Variants in PTPRG observed in about 807,000 individuals in gnomAD.
PTPRG encodes the protein protein tyrosine phosphatase receptor type G, also known as receptor-type tyrosine-protein phosphatase gamma.
Under a neutral mutation model 165.3 loss-of-function variants are expected in PTPRG, and 102 were observed. The observed-to-expected ratio is 0.62, with a 90% CI of 0.53 to 0.73. PTPRG has a LOEUF of 0.73. Among genes scored for constraint, PTPRG ranks in the 30% least tolerant of loss-of-function variants. The pLI is 0.00. For synonymous variants in PTPRG, 675 were observed against 669.5 expected, an observed-to-expected ratio of 1.01 and a Z score of -0.13; for missense variants, 1,866 against 1,861.4, an observed-to-expected ratio of 1.00 and a Z score of -0.05.
chr3:61,697,663 C>T (rs1381145796), intron 1 of PTPRG, among the ~76,000 whole-genome samples: 1 of 152,162 alleles, frequency 6.6e-6, no homozygotes, highest in Non-Finnish European at 1.5e-5. Context: ...ATTCAGTTTC[C>T]AAAGAATCAC....
chr3:62,085,874 C>A (rs1276671262), intron 5 of PTPRG, among the ~76,000 whole-genome samples: 1 of 152,154 alleles, frequency 6.6e-6, no homozygotes, highest in Non-Finnish European at 1.5e-5. Context: ...GAATTGTGTC[C>A]TGCCCTCAAA....
At chr3:62,223,671 C>T (rs1190919605) in intron 13 of PTPRG, among the ~76,000 whole-genome samples, 3 of 152,164 alleles carry the variant, frequency 2.0e-5, no homozygotes, top group Non-Finnish European at 4.4e-5. Context: ...AATGCTTGTC[C>T]TGGTGCCTGG....
chr3:62,076,709 G>C (rs967257538), intron 4 of PTPRG, among the ~76,000 whole-genome samples: 9 of 151,854 alleles, frequency 5.9e-5, no homozygotes, highest in African/African-American at 2.2e-4. Context: ...AGCCTCCCGA[G>C]TAGCTGGGAT....
intron 13 of PTPRG, 60 bp from the exon 14 acceptor site, chr3:62,231,165 G>T: frequency 7.7e-7 from 1 of 1,298,976 alleles, no homozygotes; most frequent in South Asian, 2.1e-5. Context: ...TGCAACTCTT[G>T]GTGGCCAATT....
intron 5 of PTPRG, among the ~76,000 whole-genome samples, chr3:62,097,224 C>T (rs929392795): frequency 3.9e-5 from 6 of 152,158 alleles, no homozygotes; most frequent in East Asian, 1.9e-4. Flanking sequence ...TGGTAAAGGA[C>T]GCCCTTTTCA....
chr3:61,765,613 C>A (rs1247501753), intron 2 of PTPRG, among the ~76,000 whole-genome samples: 1 of 152,068 alleles, frequency 6.6e-6, no homozygotes, highest in East Asian at 1.9e-4. Flanking sequence ...CTTAAATGAT[C>A]ACTTTTCACT....
chr3:61,982,828 G>T (rs1424235331), intron 2 of PTPRG, among the ~76,000 whole-genome samples: 1 of 152,098 alleles, frequency 6.6e-6, no homozygotes, highest in African/African-American at 2.4e-5. Context: ...TAGACACCCT[G>T]GGAAATTAGA....
chr3:61,735,223 A>T (rs1417604828), intron 1 of PTPRG, among the ~76,000 whole-genome samples: 1 of 152,204 alleles, frequency 6.6e-6, no homozygotes, highest in Non-Finnish European at 1.5e-5. Flanking sequence ...ATGTGGTTAG[A>T]ATTTTTTTAA....
At chr3:61,758,234 G>T (rs78089916) in intron 2 of PTPRG, among the ~76,000 whole-genome samples, 1 of 151,990 alleles carries the variant, frequency 6.6e-6, no homozygotes, top group Non-Finnish European at 1.5e-5. Flanking sequence ...CAGTATTCCC[G>T]ATTTAGCCTC....
intron 1 of PTPRG, among the ~76,000 whole-genome samples, chr3:61,675,581 T>A (rs1028114312): frequency 2.6e-5 from 4 of 152,192 alleles, no homozygotes; most frequent in African/African-American, 9.7e-5. Flanking sequence ...TTTGGCTATC[T>A]TTTAATAACA....
intron 6 of PTPRG, among the ~76,000 whole-genome samples, chr3:62,137,732 C>G (rs963474883): frequency 6.6e-6 from 1 of 152,108 alleles, no homozygotes; most frequent in Non-Finnish European, 1.5e-5. Flanking sequence ...AGCTGGTCAT[C>G]ACTCGTTGTC....
chr3:61,576,094 A>G (rs1700168209), intron 1 of PTPRG, among the ~76,000 whole-genome samples: 1 of 152,202 alleles, frequency 6.6e-6, no homozygotes, highest in Non-Finnish European at 1.5e-5. Flanking sequence ...CAGAACCAGA[A>G]TCTGAACTGG....
intron 5 of PTPRG, among the ~76,000 whole-genome samples, chr3:62,081,273 C>CA (rs1701568832): frequency 9.9e-6 from 1 of 101,438 alleles, no homozygotes; most frequent in African/African-American, 3.5e-5. Context: ...AACAAACAAA[C>CA]AAACAAACAA....
intron 5 of PTPRG, among the ~76,000 whole-genome samples, chr3:62,080,363 A>C (rs993149315): frequency 6.6e-6 from 1 of 151,984 alleles, no homozygotes; most frequent in Non-Finnish European, 1.5e-5. Context: ...GGTGTGAGCC[A>C]CTGCGCCCAG....
Position 61,906,811 on chromosome 3 carries a change from G to A in PTPRG, c.191-82814G>A, listed in dbSNP as rs1007407059. 2.2e-5 allele frequency among the ~76,000 whole-genome samples: 3 copies of A among 134,964 alleles called. No individual in the cohort carries two copies. The East Asian group carries it at 6.0e-4, about 27-fold the overall frequency. 88.5% of individuals were successfully genotyped at this position (134,964 alleles called of 152,430 possible). On this transcript the variant is annotated intron_variant, in intron 2 of 29. Coordinates refer to ENST00000474889, the MANE Select transcript of PTPRG (RefSeq NM_002841.4). ...GGTAGGTAGGTAGGTAGGTAGGTAG[G>A]TAGGTAGGTAGGTAGGTAGAATTGT... is the stretch of plus-strand genomic sequence containing the variant.
At chr3:61,812,341 ATATT>A (rs1339431923) in intron 2 of PTPRG, among the ~76,000 whole-genome samples, 2 of 152,152 alleles carry the variant, frequency 1.3e-5, no homozygotes, top group South Asian at 2.1e-4. Context: ...CATTCAGCAA[ATATT>A]TATTTTCCAC....
Position 62,273,642 on chromosome 3 carries a change from A to G in PTPRG, c.3319-56A>G, listed in dbSNP as rs995744167. On this transcript the variant is annotated intron_variant, in intron 22 of 29. Coordinates refer to ENST00000474889, the MANE Select transcript of PTPRG (RefSeq NM_002841.4). This position sits in a 1 kb window ranked among gnomAD's most constrained non-coding sequence, Gnocchi z 4.1. ...AATTAAACTAAGGTACACTTCATGAATGAGTGGCTAACCCTTAACACTCCC... is the reference window on the plus strand; with the variant it reads ...AATTAAACTAAGGTACACTTCATGAGTGAGTGGCTAACCCTTAACACTCCC... 2.8e-5 allele frequency: 43 copies of G among 1,557,656 alleles called. No individual in the cohort carries two copies. Among genetic ancestry groups the G allele is most frequent in the Non-Finnish European group, 3.5e-5 (40 of 1,131,512 alleles).
At chr3:62,227,906 T>C (rs1700797160) in intron 13 of PTPRG, among the ~76,000 whole-genome samples, 1 of 152,228 alleles carries the variant, frequency 6.6e-6, no homozygotes, top group Admixed American at 6.5e-5. Flanking sequence ...CCCAGTTATC[T>C]GGCTTCTTCT....
At chr3:62,266,194 T>C (rs1326689761) in intron 17 of PTPRG, among the ~76,000 whole-genome samples, 1 of 152,168 alleles carries the variant, frequency 6.6e-6, no homozygotes, top group Non-Finnish European at 1.5e-5. Flanking sequence ...TTTGGTGTTC[T>C]CTTGGCCACT....
Sources: gnomAD v4.1 joint callset for allele counts (sites outside exome capture counted in the v4.1 genomes callset) on GRCh38, gnomAD v4.1.1 for gene constraint, Gnocchi (gnomAD v3.1) non-coding constraint, MANE v1.5 for transcripts, NCBI Gene and HGNC (gene_info 2026-07-23, HGNC 2026-07-21) for gene names.